Variants in ZNF322 observed in about 807,000 individuals in gnomAD.
ZNF322 encodes HLA complex group 12.
ZNF322 carries 1 observed loss-of-function variant against 18.3 expected under a neutral mutation model. That is an observed-to-expected ratio of 0.05 (90% CI 0.02 to 0.26). The LOEUF is 0.26. Ranked by LOEUF, ZNF322 falls within the 10% of genes least tolerant of loss-of-function variation. The pLI, the probability that ZNF322 is intolerant of heterozygous loss-of-function variation, is 1.00. For missense variants in ZNF322, 36 were observed against 403.6 expected, an observed-to-expected ratio of 0.09 and a Z score of 7.80; for synonymous variants, 17 against 130.7, an observed-to-expected ratio of 0.13 and a Z score of 5.93.
In ZNF322 at chr6:26,643,783, G is replaced by A. The variant is rs1765507857; in HGVS notation, c.-245-55C>T. On this transcript the variant is annotated intron_variant, in intron 2 of 3. Coordinates refer to ENST00000415922, the MANE Select transcript of ZNF322 (RefSeq NM_024639.5). ...CCATAAATGAGAGAATTTAGCACTA[G>A]ATCATTTACACTCAAAGGATTTAAC... The A allele has an allele frequency of 2.0e-5, 3 of 152,848 alleles. No homozygotes were observed. The South Asian group carries it at 6.2e-4, about 32-fold the overall frequency. 9.5% of individuals were successfully genotyped at this position (152,848 alleles called of 1,614,324 possible). A position where few individuals can be genotyped will look rare whatever the true frequency, so the allele number is the denominator to read the frequency against.
intron 2 of ZNF322, among the ~76,000 whole-genome samples, chr6:26,644,697 G>A (rs2498343): frequency 0.68 from 103,649 of 151,752 alleles, 36,183 homozygotes; most frequent in African/African-American, 0.81. Context: ...GCCTAAGCTC[G>A]GTGTAGCCCT....
chr6:26,658,752 T>G (rs190033319), intron 1 of ZNF322, 106 bp from the exon 2 acceptor site: 39 of 154,262 alleles, frequency 2.5e-4, no homozygotes, highest in Middle Eastern at 3.4e-3. Context: ...TCCATTCTAG[T>G]GAGCATCCTT....
At chr6:26,654,327 G>A (rs1458571821) in intron 2 of ZNF322, among the ~76,000 whole-genome samples, 1 of 152,046 alleles carries the variant, frequency 6.6e-6, no homozygotes, top group Non-Finnish European at 1.5e-5. Flanking sequence ...AGAAGTCATG[G>A]AAACAATAAA....
At chr6:26,644,733 A>C (rs999319608) in intron 2 of ZNF322, among the ~76,000 whole-genome samples, 1 of 152,206 alleles carries the variant, frequency 6.6e-6, no homozygotes, top group Non-Finnish European at 1.5e-5. Flanking sequence ...GGAAGTTGTA[A>C]AACGTAATTG....
At chr6:26,645,267 G>A (rs1220033847) in intron 2 of ZNF322, among the ~76,000 whole-genome samples, 2 of 152,148 alleles carry the variant, frequency 1.3e-5, no homozygotes, top group East Asian at 1.9e-4. Context: ...AAGAACAAAT[G>A]TACTATACAA....
chr6:26,654,218 A>C (rs558243706), intron 2 of ZNF322, among the ~76,000 whole-genome samples: 2 of 152,384 alleles, frequency 1.3e-5, no homozygotes, highest in South Asian at 2.1e-4. Context: ...TAGAAGTACC[A>C]GTATAAGTCA....
chr6:26,636,127 A>C lies in ZNF322; in HGVS notation c.*1218T>G. On this transcript the variant is annotated 3_prime_UTR_variant, in exon 4 of 4. Coordinates refer to ENST00000415922, the MANE Select transcript of ZNF322 (RefSeq NM_024639.5). ...ACTATTAGGAGAGTTTTGATCTAGGATAGCTACTCCCTAGCTTCTTAAGTT... is the reference window on the plus strand; with the variant it reads ...ACTATTAGGAGAGTTTTGATCTAGGCTAGCTACTCCCTAGCTTCTTAAGTT... 6.7e-6 allele frequency: 1 copy of C among 149,446 alleles called. No individual in the cohort carries two copies. Among genetic ancestry groups the C allele is most frequent in the Non-Finnish European group, 1.5e-5 (1 of 67,546 alleles). 9.3% of individuals were successfully genotyped at this position (149,446 alleles called of 1,614,324 possible).
intron 2 of ZNF322, among the ~76,000 whole-genome samples, chr6:26,648,962 C>T (rs1210161997): frequency 1.3e-5 from 2 of 151,800 alleles, no homozygotes; most frequent in African/African-American, 4.9e-5. Flanking sequence ...GGCCTGCCAC[C>T]TGTTTTTTTC....
intron 2 of ZNF322, among the ~76,000 whole-genome samples, chr6:26,656,155 G>A (rs1409880274): frequency 6.6e-6 from 1 of 152,168 alleles, no homozygotes; most frequent in African/African-American, 2.4e-5. Flanking sequence ...AAAACATGGT[G>A]GCTAAAGATT....
At chr6:26,652,280 G>C (rs1194996802) in intron 2 of ZNF322, among the ~76,000 whole-genome samples, 1 of 152,158 alleles carries the variant, frequency 6.6e-6, no homozygotes, top group Admixed American at 6.5e-5. Context: ...GAAAATATTT[G>C]CAGAAGACAC....
chr6:26,641,480 A>C (rs1765465107), intron 3 of ZNF322, among the ~76,000 whole-genome samples: 1 of 152,226 alleles, frequency 6.6e-6, no homozygotes. Context: ...TTAAAATCCT[A>C]CATTTCAAAT....
intron 2 of ZNF322, among the ~76,000 whole-genome samples, chr6:26,644,038 C>T (rs1172960210): frequency 2.6e-5 from 4 of 152,192 alleles, no homozygotes; most frequent in Non-Finnish European, 4.4e-5. Flanking sequence ...AAGGCATTAT[C>T]TTCCCTACAG....
Position 26,634,466 on chromosome 6 carries a change from AGTT to A in ZNF322, c.*2876_*2878del, listed in dbSNP as rs1187221039. On this transcript the variant is annotated 3_prime_UTR_variant, in exon 4 of 4. Transcript: ENST00000415922. ...CATAGGAATACATCAACTGAATACA[AGTT>A]GTCTTGTTTGGTCTGAAATCTTGAA... 6.6e-6 allele frequency: 1 copy of A among 150,502 alleles called. No homozygotes were observed. The highest frequency in any genetic ancestry group is 1.5e-5 in the Non-Finnish European group (1 of 67,712). The allele number at this position is 150,502 out of a possible 1,614,324, so 9.3% of individuals were successfully genotyped here. A position where few individuals can be genotyped will look rare whatever the true frequency, so the allele number is the denominator to read the frequency against.
chr6:26,655,786 T>C (rs1260037820), intron 2 of ZNF322, among the ~76,000 whole-genome samples: 1 of 152,148 alleles, frequency 6.6e-6, no homozygotes, highest in Admixed American at 6.5e-5. Context: ...TTTGGTCCCT[T>C]TCTGAGCACT....
chr6:26,640,460 G>A (rs1765446933), intron 3 of ZNF322, among the ~76,000 whole-genome samples: 1 of 152,064 alleles, frequency 6.6e-6, no homozygotes, highest in Non-Finnish European at 1.5e-5. Flanking sequence ...ATCTCTTCCT[G>A]GATGAAGGGC....
At chr6:26,639,716 T>C (rs1371462494) in intron 3 of ZNF322, among the ~76,000 whole-genome samples, 5 of 152,206 alleles carry the variant, frequency 3.3e-5, no homozygotes, top group Non-Finnish European at 5.9e-5. Context: ...CAGTGATCTT[T>C]TCATGTTTGA....
At position 26,635,115 on chromosome 6, in the gene ZNF322, T is replaced by C. The variant is rs1554147578; in HGVS notation, c.*2230A>G. The C allele has an allele frequency of 2.1e-5, 3 of 145,802 alleles. No individual in the cohort carries two copies. Among genetic ancestry groups the C allele is most frequent in the South Asian group, 2.3e-4 (1 of 4,396 alleles). The allele number at this position is 145,802 out of a possible 1,614,324, so 9.0% of individuals were successfully genotyped here. On this transcript the variant is annotated 3_prime_UTR_variant, in exon 4 of 4. Coordinates refer to ENST00000415922, the MANE Select transcript of ZNF322 (RefSeq NM_024639.5). ...GAATCCTTATTATCACTATGAGCTA[T>C]ATTCACTGGCCCTAATATTATCATG... is the stretch of plus-strand genomic sequence containing the variant.
intron 2 of ZNF322, among the ~76,000 whole-genome samples, chr6:26,650,691 A>AAATGTAAATATT (rs1554149119): frequency 6.6e-6 from 1 of 152,224 alleles, no homozygotes; most frequent in African/African-American, 2.4e-5. Context: ...CATTTACATT[A>AAATGTAAATATT]ACACTCTAAA....
At chr6:26,646,910 A>G (rs1356122460) in intron 2 of ZNF322, among the ~76,000 whole-genome samples, 3 of 152,198 alleles carry the variant, frequency 2.0e-5, no homozygotes, top group African/African-American at 4.8e-5. Flanking sequence ...TAAAAGGGGC[A>G]ATGAAAAAGT....
Sources: allele counts gnomAD v4.1 joint callset (sites outside exome capture counted in the v4.1 genomes callset), GRCh38; gene constraint gnomAD v4.1.1; transcripts MANE v1.5; gene names NCBI Gene and HGNC (gene_info 2026-07-23, HGNC 2026-07-21).